The following NCR1 variants were observed in gnomAD, a reference collection of about 807,000 sequenced individuals.
The protein encoded by NCR1 is natural cytotoxicity triggering receptor 1, also known as NK cell-activating receptor.
In NCR1, 30 loss-of-function variants were observed where a neutral mutation model predicts 32.5. The ratio of observed to expected loss-of-function variants is 0.92; its 90% CI spans 0.69 to 1.25. NCR1 has a LOEUF of 1.25. NCR1 is among the 50% of genes most tolerant of loss of function. The pLI, the probability that NCR1 is intolerant of heterozygous loss-of-function variation, is 0.00. For missense variants in NCR1, 369 were observed against 380.7 expected (o/e 0.97, Z 0.26); for synonymous variants, 169 against 143.4 (o/e 1.18, Z -1.28).
At chr19:54,902,804 C>T (rs968013690), upstream of NCR1, among the ~76,000 whole-genome samples, 1 of 151,804 alleles carries the variant, frequency 6.6e-6, no homozygotes, top group Non-Finnish European at 1.5e-5. Flanking sequence ...TAAGGGGAAA[C>T]GCCAGCACCG....
At position 54,909,538 on chromosome 19, in the gene NCR1, A is replaced by G; in HGVS notation, c.634+15A>G. ...CCTGGTCACAGGTGAGGAAATGCTC[A>G]ATTCCCCACACCCTTCGCCGCCATG... On this transcript the variant is annotated intron_variant, in intron 4 of 6. Coordinates refer to ENST00000291890, the MANE Select transcript of NCR1 (RefSeq NM_004829.7). 1 of 1,596,752 alleles carries G rather than the reference A, an allele frequency of 6.3e-7. No individual in the cohort carries two copies. The highest frequency in any genetic ancestry group is 8.5e-7 in the Non-Finnish European group (1 of 1,176,178).
downstream of NCR1, among the ~76,000 whole-genome samples, chr19:54,918,085 G>A (rs572710952): frequency 7.0e-4 from 106 of 151,928 alleles, 1 homozygote; most frequent in African/African-American, 2.1e-3. Context: ...ACAGGCGCCC[G>A]CCACCTAGCC....
the NCR1 span, among the ~76,000 whole-genome samples, chr19:54,926,916 T>TAAAAA: frequency 3.8e-5 from 1 of 26,612 alleles, no homozygotes; most frequent in Non-Finnish European, 9.7e-5. Flanking sequence ...ACTCTGTCTT[T>TAAAAA]AAAAAAAAAA....
At chr19:54,917,452 T>A (rs1161953334), downstream of NCR1, among the ~76,000 whole-genome samples, 1 of 152,072 alleles carries the variant, frequency 6.6e-6, no homozygotes, top group Non-Finnish European at 1.5e-5. Flanking sequence ...CCCAAGGAGC[T>A]GGGACTACAG....
chr19:54,937,942 A>G, the NCR1 span: 13 of 869,000 alleles, frequency 1.5e-5, no homozygotes, highest in Admixed American at 9.2e-5. Context: ...AAATCCCCAA[A>G]TACATGGAGA....
chr19:54,903,688 T>G (rs999105608), upstream of NCR1, among the ~76,000 whole-genome samples: 6 of 148,212 alleles, frequency 4.0e-5, no homozygotes, highest in Non-Finnish European at 7.4e-5. Flanking sequence ...TAAATGTATA[T>G]ATGTGTATAT....
chr19:54,936,452 TTC>T, the NCR1 span: 1 of 1,603,238 alleles, frequency 6.2e-7, no homozygotes, highest in Admixed American at 1.7e-5. Flanking sequence ...GCAGAAGAGA[TTC>T]CACTTGGAGT....
chr19:54,899,167 C>T, the NCR1 span, among the ~76,000 whole-genome samples: 2 of 152,032 alleles, frequency 1.3e-5, no homozygotes, highest in Non-Finnish European at 2.9e-5. Flanking sequence ...ACCGTTTGCC[C>T]ATTTTACAAC....
At chr19:54,930,577 C>T in the NCR1 span, 2 of 1,612,298 alleles carry the variant, frequency 1.2e-6, no homozygotes, top group Non-Finnish European at 1.7e-6. Context: ...CTGGTTGATA[C>T]TCAAGTCCAG....
the NCR1 span, chr19:54,923,896 T>C: frequency 6.2e-7 from 1 of 1,609,646 alleles, no homozygotes; most frequent in Admixed American, 1.7e-5. Context: ...AGAACACAAA[T>C]GTTCCCAGAA....
chr19:54,934,635 C>T, the NCR1 span: 5,044 of 1,613,622 alleles, frequency 3.1e-3, 153 homozygotes, highest in African/African-American at 0.057. The surrounding 1 kb of genome is among the most constrained non-coding windows in gnomAD (Gnocchi z 6.7). Flanking sequence ...CCCACTGCTC[C>T]GGGGTGGCAC....
At chr19:54,913,605 T>C (rs550455438), downstream of NCR1, among the ~76,000 whole-genome samples, 1 of 152,292 alleles carries the variant, frequency 6.6e-6, no homozygotes, top group South Asian at 2.1e-4. Context: ...CAGGAGGCAT[T>C]GTGGCAACAA....
chr19:54,935,447 G>A, the NCR1 span, among the ~76,000 whole-genome samples: 1 of 152,082 alleles, frequency 6.6e-6, no homozygotes, highest in South Asian at 2.1e-4. Context: ...TGTAATCCTA[G>A]CACTTTGGGA....
At chr19:54,936,377 A>G in the NCR1 span, 12 of 1,613,950 alleles carry the variant, frequency 7.4e-6, no homozygotes, top group East Asian at 2.7e-4. Context: ...TCTTCTTCCC[A>G]ATGAAAGCAA....
chr19:54,907,357 G>C (rs138763745), intron 3 of NCR1, among the ~76,000 whole-genome samples: 11 of 150,496 alleles, frequency 7.3e-5, no homozygotes, highest in African/African-American at 2.7e-4. Flanking sequence ...CACCATGTTG[G>C]CCAGGGTGGT....
At chr19:54,932,201 G>A in the NCR1 span, among the ~76,000 whole-genome samples, 2 of 152,158 alleles carry the variant, frequency 1.3e-5, no homozygotes, top group South Asian at 2.1e-4. Flanking sequence ...GCCGAGGCAG[G>A]CAGATCACTT....
Position 54,913,041 on chromosome 19 carries a change from T to A in NCR1, c.*170T>A. ...CGGACGATGCAGAGGGTGGGAGAAC[T>A]ACATGCTAAATTTCTTTTTTTTTTT... On this transcript the variant is annotated 3_prime_UTR_variant, in exon 7 of 7. Transcript: ENST00000291890. The A allele has an allele frequency of 1.8e-6, 1 of 545,748 alleles. No homozygotes were observed. Among genetic ancestry groups the A allele is most frequent in the Non-Finnish European group, 3.1e-6 (1 of 327,214 alleles). 33.8% of individuals were successfully genotyped at this position (545,748 alleles called of 1,614,324 possible). A position where few individuals can be genotyped will look rare whatever the true frequency, so the allele number is the denominator to read the frequency against.
downstream of NCR1, among the ~76,000 whole-genome samples, chr19:54,914,237 T>A (rs1387492385): frequency 6.7e-6 from 1 of 150,254 alleles, no homozygotes; most frequent in East Asian, 2.0e-4. Context: ...TTAATGTAAG[T>A]TTTAGGGTAC....
the NCR1 span, chr19:54,930,568 T>C: frequency 6.2e-7 from 1 of 1,612,646 alleles, no homozygotes; most frequent in Non-Finnish European, 8.5e-7. Flanking sequence ...ACGAGCTATC[T>C]GGTTGATACT....
Sources: gnomAD v4.1 joint callset for allele counts (sites outside exome capture counted in the v4.1 genomes callset) on GRCh38, gnomAD v4.1.1 for gene constraint, Gnocchi (gnomAD v3.1) non-coding constraint, MANE v1.5 for transcripts, NCBI Gene and HGNC (gene_info 2026-07-23, HGNC 2026-07-21) for gene names.